The following LRRC18 variants were observed in gnomAD, a reference collection of about 807,000 sequenced individuals.
LRRC18 encodes the protein leucine rich repeat containing 18.
Under a neutral mutation model 11.2 loss-of-function variants are expected in LRRC18, and 12 were observed. The observed-to-expected ratio is 1.07, with a 90% confidence interval of 0.69 to 1.74. The LOEUF (loss-of-function observed/expected upper bound fraction) is 1.74, where lower values mean the gene tolerates loss of function less well. Ranked by LOEUF, LRRC18 falls within the 40% of genes most tolerant of loss-of-function variation. The probability of loss-of-function intolerance (pLI) is 0.00; values close to 1 mark genes in which losing one functional copy is unlikely to be tolerated. For synonymous variants in LRRC18, 155 were observed against 130.6 expected (o/e 1.19, Z -1.27); for missense variants, 374 against 330.5 (o/e 1.13, Z -1.02).
At chr10:48,921,798 A>G in the LRRC18 span, among the ~76,000 whole-genome samples, 1 of 152,212 alleles carries the variant, frequency 6.6e-6, no homozygotes, top group Non-Finnish European at 1.5e-5. Flanking sequence ...AAATGTACAG[A>G]CACAAAAATC....
chr10:48,920,750 A>T, the LRRC18 span, among the ~76,000 whole-genome samples: 2 of 152,250 alleles, frequency 1.3e-5, no homozygotes, highest in African/African-American at 4.8e-5. Flanking sequence ...GACTGTCCAC[A>T]TAGAGAATCC....
the LRRC18 span, among the ~76,000 whole-genome samples, chr10:48,934,018 G>A: frequency 6.6e-6 from 1 of 152,252 alleles, no homozygotes; most frequent in East Asian, 1.9e-4. Flanking sequence ...GACAGCAGCT[G>A]TCTCAGTGCC....
upstream of LRRC18, among the ~76,000 whole-genome samples, chr10:48,917,737 A>G (rs1446392226): frequency 6.6e-6 from 1 of 152,238 alleles, no homozygotes; most frequent in East Asian, 1.9e-4. Context: ...ATGTCCAAGG[A>G]AGTTCTTCAG....
At chr10:48,919,554 G>T in the LRRC18 span, among the ~76,000 whole-genome samples, 1 of 152,208 alleles carries the variant, frequency 6.6e-6, no homozygotes, top group Non-Finnish European at 1.5e-5. Context: ...CTGTTCCAGA[G>T]GCTGGGAAGT....
chr10:48,916,871 ATG>A (rs55891907), upstream of LRRC18, among the ~76,000 whole-genome samples: 20,813 of 149,130 alleles, frequency 0.14, 1,569 homozygotes, highest in Middle Eastern at 0.26. Context: ...CTTTAAAAAT[ATG>A]TGTGTGTGTG....
the LRRC18 span, among the ~76,000 whole-genome samples, chr10:48,931,893 C>A: frequency 6.6e-6 from 1 of 152,166 alleles, no homozygotes; most frequent in South Asian, 2.1e-4. Flanking sequence ...ATGATGTGGT[C>A]AGGACAGGGC....
At chr10:48,910,515 A>G (rs1589856544) in intron 1 of LRRC18, among the ~76,000 whole-genome samples, 1 of 152,356 alleles carries the variant, frequency 6.6e-6, no homozygotes, top group East Asian at 1.9e-4. Context: ...CACCAACATC[A>G]AACCTTTTCC....
At chr10:48,926,106 C>T in the LRRC18 span, among the ~76,000 whole-genome samples, 7 of 152,316 alleles carry the variant, frequency 4.6e-5, no homozygotes, top group East Asian at 1.3e-3. Flanking sequence ...CTGTGCTCCC[C>T]CAGTGGCAAA....
At chr10:48,915,991 A>G (rs1838495104), upstream of LRRC18, among the ~76,000 whole-genome samples, 1 of 152,236 alleles carries the variant, frequency 6.6e-6, no homozygotes, top group Non-Finnish European at 1.5e-5. Context: ...TTAAAAAACA[A>G]AGTGGAGTCC....
the LRRC18 span, among the ~76,000 whole-genome samples, chr10:48,919,635 C>T: frequency 6.6e-6 from 1 of 152,136 alleles, no homozygotes. Flanking sequence ...GTTTTCTTGC[C>T]GTGTCCTCAC....
chr10:48,917,902 T>G (rs768822471), upstream of LRRC18, among the ~76,000 whole-genome samples: 13 of 152,236 alleles, frequency 8.5e-5, no homozygotes, highest in Non-Finnish European at 1.8e-4. Flanking sequence ...CACTGTGTGA[T>G]GGAGTTGTCA....
exon 1 of LRRC18, chr10:48,913,611 G>T: frequency 6.2e-7 from 1 of 1,614,020 alleles, no homozygotes; most frequent in Non-Finnish European, 8.5e-7. Flanking sequence ...CGACTCACCT[G>T]GCTTTGGAAA....
chr10:48,916,398 G>A (rs182453274), upstream of LRRC18, among the ~76,000 whole-genome samples: 1 of 152,264 alleles, frequency 6.6e-6, no homozygotes, highest in Non-Finnish European at 1.5e-5. Flanking sequence ...TTGCTTGCTT[G>A]CTTCTCTCCT....
At chr10:48,916,068 G>A (rs534584031), upstream of LRRC18, among the ~76,000 whole-genome samples, 2 of 152,262 alleles carry the variant, frequency 1.3e-5, no homozygotes, top group South Asian at 2.1e-4. Context: ...TAAAGCCTTG[G>A]GCAGAATGCA....
the LRRC18 span, among the ~76,000 whole-genome samples, chr10:48,928,606 T>G: frequency 1.3e-5 from 2 of 152,190 alleles, no homozygotes; most frequent in Non-Finnish European, 2.9e-5. Context: ...TCCTTTGAGC[T>G]GCACAGGCCC....
chr10:48,911,079 GAGA>G (rs1837958843), intron 1 of LRRC18: 2 of 199,706 alleles, frequency 1.0e-5, no homozygotes, highest in African/African-American at 2.4e-5. Flanking sequence ...TTTTGGGTCA[GAGA>G]AGAAGTGACT....
exon 1 of LRRC18, chr10:48,913,473 G>C: frequency 6.3e-7 from 1 of 1,590,446 alleles, no homozygotes; most frequent in Non-Finnish European, 8.6e-7. Flanking sequence ...TGTCGTCGTG[G>C]CCATGTTCTT....
chr10:48,910,433 A>G (rs1446013180), intron 1 of LRRC18, among the ~76,000 whole-genome samples, 175 bp from the exon 4 acceptor site: 1 of 152,210 alleles, frequency 6.6e-6, no homozygotes, highest in Non-Finnish European at 1.5e-5. Context: ...AGGCTTTCCT[A>G]TGAAGTATTT....
the LRRC18 span, among the ~76,000 whole-genome samples, chr10:48,924,235 A>G: frequency 3.9e-5 from 6 of 152,318 alleles, no homozygotes; most frequent in East Asian, 1.2e-3. Flanking sequence ...CGACCTTGGC[A>G]GGGACCCTTC....
Sources: gnomAD v4.1 joint callset for allele counts (sites outside exome capture counted in the v4.1 genomes callset) on GRCh38, gnomAD v4.1.1 for gene constraint, MANE v1.5 for transcripts, NCBI Gene and HGNC (gene_info 2026-07-23, HGNC 2026-07-21) for gene names.